VPS35: variants seen among roughly 807,000 people sequenced by gnomAD.
VPS35 encodes VPS35 retromer complex component, also known as vacuolar protein sorting-associated protein 35.
Under a neutral mutation model 98.1 loss-of-function variants are expected in VPS35, and 21 were observed. The observed-to-expected ratio is 0.21, with a 90% confidence interval of 0.15 to 0.31. The LOEUF (loss-of-function observed/expected upper bound fraction) is 0.31. VPS35 is among the 10% of genes least tolerant of loss of function. The pLI, the probability that VPS35 is intolerant of heterozygous loss-of-function variation, is 1.00. For missense variants in VPS35, 554 were observed against 950.8 expected (o/e 0.58, Z 5.49); for synonymous variants, 268 against 318.2 (o/e 0.84, Z 1.68).
Position 46,663,001 on chromosome 16 carries a change from T to C in VPS35, c.1809A>G (p.Ala603=), listed in dbSNP as rs142063738. 4.3e-6 allele frequency: 7 copies of C among 1,614,224 alleles called. No individual in the cohort carries two copies. The highest frequency in any genetic ancestry group is 1.3e-5 in the African/African-American group (1 of 75,052). The change falls in exon 14 of 17, where the codon GCA becomes GCG. Residue 603 remains alanine (A), a synonymous_variant. Coordinates refer to ENST00000299138, the MANE Select transcript of VPS35 (RefSeq NM_018206.6). ...TCATCACCTGGGACATGAATTCATA[T>C]GCGACTGTCTCATGATTTTCAAAAC... ...EIGFENHETV[A]YEFMSQAFSL...
At chr16:46,674,063 C>T in intron 10 of VPS35, 1 of 488,962 alleles carries the variant, frequency 2.0e-6, no homozygotes, top group East Asian at 3.9e-5. Flanking sequence ...CCCTGACACA[C>T]AGAAAGGGAT....
At chr16:46,674,492 T>C in intron 9 of VPS35, 30 bp from the exon 10 acceptor site, 2 of 1,607,700 alleles carry the variant, frequency 1.2e-6, no homozygotes, top group Non-Finnish European at 8.5e-7. Context: ...ACACAATTTA[T>C]TTTAAACAAT....
At chr16:46,664,361 C>T (rs766954823) in intron 13 of VPS35, among the ~76,000 whole-genome samples, 3 of 151,620 alleles carry the variant, frequency 2.0e-5, no homozygotes, top group Non-Finnish European at 4.4e-5. Flanking sequence ...TTCACCTTAT[C>T]GGCCAGGCTA....
chr16:46,676,716 A>C, intron 7 of VPS35, 24 bp from the exon 8 acceptor site: 1 of 1,502,444 alleles, frequency 6.7e-7, no homozygotes, highest in Non-Finnish European at 9.3e-7. Flanking sequence ...GATCAATACA[A>C]ATAAAAGTAT....
chr16:46,675,607 T>A (rs772513252), intron 8 of VPS35, among the ~76,000 whole-genome samples: 2 of 152,118 alleles, frequency 1.3e-5, no homozygotes, highest in Admixed American at 6.5e-5. Flanking sequence ...TTTGGAAAAA[T>A]TTGTTATCTA....
At chr16:46,663,224 C>T in intron 13 of VPS35, 62 bp from the exon 14 acceptor site, 2 of 1,469,360 alleles carry the variant, frequency 1.4e-6, no homozygotes, top group South Asian at 1.2e-5. Flanking sequence ...TCCAGGATAT[C>T]CATTTTAATA....
Position 46,668,960 on chromosome 16 carries a change from C to T in VPS35, c.1617G>A (p.Leu539=). 4 of 1,614,090 alleles carry T rather than the reference C, an allele frequency of 2.5e-6. No homozygotes were observed. The Middle Eastern group carries it at 6.6e-4, about 266-fold the overall frequency. The part of the protein sequence containing the change: ...LPPLVFAAYQ[L]AFRYKENSKV... ...TAGAATTCTCTTTATATCGAAAAGC[C>T]AGCTGGTAAGCTGCAAATACCAAAG... Residue 539 remains leucine (L), a synonymous_variant, in exon 13 of 17, where the codon CTG becomes CTA. Transcript: ENST00000299138.
intron 12 of VPS35, among the ~76,000 whole-genome samples, chr16:46,669,908 T>A (rs1966043707): frequency 6.6e-6 from 1 of 152,204 alleles, no homozygotes; most frequent in Non-Finnish European, 1.5e-5. Flanking sequence ...ACTATTACTA[T>A]GATACACAAC....
Position 46,674,520 on chromosome 16 carries a change from G to A in VPS35, c.1011+44C>T. ...TAAACAATTGTAAAAGGAAGGCAGAGAAGTTTCAAAGTTTTGAGAACTTAG... is the reference window on the plus strand; with the variant it reads ...TAAACAATTGTAAAAGGAAGGCAGAAAAGTTTCAAAGTTTTGAGAACTTAG... On this transcript the variant is annotated intron_variant, in intron 9 of 16. Coordinates refer to ENST00000299138, the MANE Select transcript of VPS35 (RefSeq NM_018206.6). 1.9e-6 allele frequency: 3 copies of A among 1,605,822 alleles called. No homozygotes were observed. In the Admixed American group the frequency reaches 5.1e-5, roughly 27 times the overall value.
In VPS35 at chr16:46,672,428, A is replaced by G; in HGVS notation, c.1205T>C (p.Leu402Ser). The change falls in exon 11 of 17, where the codon TTG becomes TCG. Residue 402 changes from leucine (L) to serine (S), a missense_variant. Physicochemically the swap from Leu to Ser is moderately radical, Grantham distance 145 (BLOSUM62 -2). Around this residue, in one of 5 missense-constraint regions of VPS35, gnomAD observed 254 missense variants for 390.1 expected, o/e 0.65. Transcript: ENST00000299138. ...GTTGTAAGTGTCAACTGGTATTTTC[A>G]AAAGTCTGGTGAGTTCCTTTGAAAC... ...SAVSKELTRL[L>S]KIPVDTYNNI... 6.2e-7 allele frequency: 1 copy of G among 1,613,386 alleles called. No individual in the cohort carries two copies. The highest frequency in any genetic ancestry group is 8.5e-7 in the Non-Finnish European group (1 of 1,179,882).
rs368031629 is a variant in VPS35 at position 46,662,592 on chromosome 16, C to A, written c.1828-110G>T. The A allele has an allele frequency of 2.2e-4, 326 of 1,506,050 alleles. 1 individual carries two copies. The African/African-American group carries it at 4.1e-3, about 19-fold the overall frequency. The allele number at this position is 1,506,050 out of a possible 1,614,324, so 93.3% of individuals were successfully genotyped here. Reference sequence around the variant, plus strand: ...CATCCTGTGAGACTTCTGCAGCCTTCATATCAGAACATGCTGCACCCTCTC... The same window carrying A: ...CATCCTGTGAGACTTCTGCAGCCTTAATATCAGAACATGCTGCACCCTCTC... On this transcript the variant is annotated intron_variant, in intron 14 of 16. Coordinates refer to ENST00000299138, the MANE Select transcript of VPS35 (RefSeq NM_018206.6).
At position 46,689,085 on chromosome 16, in the gene VPS35, C is replaced by T. The variant is rs750983665; in HGVS notation, c.3+46G>A. ...GCGGGGCGGTGGGAGAGAGCAGGGG[C>T]TACAAGGAGGGTCGACCCAGGTGCC... On this transcript the variant is annotated intron_variant, in intron 1 of 16. Coordinates refer to ENST00000299138, the MANE Select transcript of VPS35 (RefSeq NM_018206.6). The T allele has an allele frequency of 4.6e-5, 73 of 1,599,708 alleles. No homozygotes were observed. In the Middle Eastern group the frequency reaches 8.3e-4, roughly 18 times the overall value.
intron 1 of VPS35, among the ~76,000 whole-genome samples, chr16:46,687,713 G>A (rs1191409344): frequency 6.6e-6 from 1 of 152,192 alleles, no homozygotes; most frequent in Non-Finnish European, 1.5e-5. Flanking sequence ...AATTGAAGTG[G>A]ATTCTGGAAT....
chr16:46,662,673 G>C (rs1477093202), intron 14 of VPS35, among the ~76,000 whole-genome samples, 191 bp from the exon 15 acceptor site: 1 of 152,134 alleles, frequency 6.6e-6, no homozygotes, highest in Admixed American at 6.6e-5. Context: ...TTGCAATAAA[G>C]AAACTTCTTT....
intron 2 of VPS35, chr16:46,682,481 C>A: frequency 3.1e-6 from 1 of 319,478 alleles, no homozygotes; most frequent in South Asian, 3.2e-5. Flanking sequence ...ATTTTACCTG[C>A]AATCAAGAGA....
rs180891154 is a variant in VPS35, at chr16:46,661,624, G to C, written c.2211+94C>G. On this transcript the variant is annotated intron_variant, in intron 16 of 16. Coordinates refer to ENST00000299138, the MANE Select transcript of VPS35 (RefSeq NM_018206.6). The surrounding 1 kb of genome is among the most constrained non-coding windows in gnomAD (Gnocchi z 4.3). The stretch of plus-strand genomic sequence containing the variant: ...ATTTTTCAAATGAACAGTGATTAAA[G>C]TATCAGAATGATAAACTTTTGTACA... 199 of 1,139,944 alleles carry C rather than the reference G, an allele frequency of 1.7e-4. No individual in the cohort carries two copies. Among genetic ancestry groups the C allele is most frequent in the Non-Finnish European group, 2.3e-4 (180 of 770,676 alleles). 70.6% of individuals were successfully genotyped at this position (1,139,944 alleles called of 1,614,324 possible).
At position 46,674,615 on chromosome 16, in the gene VPS35, C is replaced by A; in HGVS notation, c.960G>T (p.Ala320=). Residue 320 remains alanine (A), a synonymous_variant, in exon 9 of 17, where the codon GCG becomes GCT. Transcript: ENST00000299138. ...AHREDGPGIP[A]DIKLFDIFSQ... ...AAAATATATCAAAAAGTTTAATATC[C>A]GCTGGGATTCCAGGTCCATCTTCAC... is the stretch of plus-strand genomic sequence containing the variant. The A allele has an allele frequency of 6.2e-7, 1 of 1,611,498 alleles. No individual in the cohort carries two copies. Among genetic ancestry groups the A allele is most frequent in the African/African-American group, 1.3e-5 (1 of 74,666 alleles).
At chr16:46,667,263 T>C (rs1471266879) in intron 13 of VPS35, among the ~76,000 whole-genome samples, 3 of 152,222 alleles carry the variant, frequency 2.0e-5, no homozygotes, top group Non-Finnish European at 4.4e-5. Context: ...TATGTCTTCT[T>C]TGGAAAAATG....
chr16:46,689,022 C>A, intron 1 of VPS35, 109 bp downstream of exon 1: 19 of 1,556,206 alleles, frequency 1.2e-5, no homozygotes, highest in Non-Finnish European at 1.7e-5. Context: ...GTCTTAATCC[C>A]GAACGGTCTG....
Sources: gnomAD v4.1 joint callset for allele counts (sites outside exome capture counted in the v4.1 genomes callset) on GRCh38, gnomAD v4.1.1 for gene constraint, gnomAD v4.1.1 regional missense constraint, Gnocchi (gnomAD v3.1) non-coding constraint, MANE v1.5 for transcripts, NCBI Gene and HGNC (gene_info 2026-07-23, HGNC 2026-07-21) for gene names.